Variants in PRKCB observed in about 807,000 individuals in gnomAD.
PRKCB encodes protein kinase C beta.
A neutral mutation model predicts 81.5 loss-of-function variants in PRKCB; 13 were observed. The observed-to-expected ratio is 0.16, with a 90% CI of 0.10 to 0.25. PRKCB has a LOEUF of 0.25. Ranked by LOEUF, PRKCB falls within the 10% of genes least tolerant of loss-of-function variation. The pLI is 1.00. For missense variants in PRKCB, 509 were observed against 875.7 expected (o/e 0.58, Z 5.29); for synonymous variants, 335 against 321.4 (o/e 1.04, Z -0.45).
chr16:24,060,507 T>G (rs1965958751), intron 5 of PRKCB, among the ~76,000 whole-genome samples: 1 of 152,160 alleles, frequency 6.6e-6, no homozygotes, highest in Admixed American at 6.5e-5. Context: ...CCTTGTGTAG[T>G]GGATACTGTG....
At chr16:23,887,814 A>G (rs896226949) in intron 2 of PRKCB, among the ~76,000 whole-genome samples, 1 of 148,850 alleles carries the variant, frequency 6.7e-6, no homozygotes, top group Non-Finnish European at 1.5e-5. Flanking sequence ...AATTTCACCA[A>G]CAGTGTAAGA....
At chr16:23,976,770 G>A (rs1964633091) in intron 2 of PRKCB, among the ~76,000 whole-genome samples, 1 of 152,170 alleles carries the variant, frequency 6.6e-6, no homozygotes, top group South Asian at 2.1e-4. Flanking sequence ...TCAAAAGCGG[G>A]AAGTCATGGG....
chr16:24,171,314 C>A (rs993241648), intron 10 of PRKCB, among the ~76,000 whole-genome samples: 15 of 152,162 alleles, frequency 9.9e-5, no homozygotes, highest in African/African-American at 3.6e-4. Flanking sequence ...CAGTTCTTTG[C>A]CAAATGTACC....
At chr16:24,181,704 G>A (rs942113066) in intron 13 of PRKCB, among the ~76,000 whole-genome samples, 2 of 143,010 alleles carry the variant, frequency 1.4e-5, no homozygotes, top group African/African-American at 5.2e-5. Flanking sequence ...GGAGGTCCAG[G>A]CTGCAGTGAG....
rs899481872 is a variant in PRKCB, at chr16:24,029,905, C to CT, written c.289-2224dup. Among the ~76,000 whole-genome samples the CT allele has an allele frequency of 3.9e-5, 6 of 151,914 alleles. No individual in the cohort carries two copies. In the South Asian group the frequency reaches 1.0e-3, roughly 26 times the overall value. On this transcript the variant is annotated intron_variant, in intron 3 of 16. Transcript: ENST00000643927. ...AACTTCTGCCATGTACTTTTTTTTC[C>CT]TTTTTTTAAGAGAGAGAGGGTCTTG...
At chr16:23,894,508 T>C (rs1963342280) in intron 2 of PRKCB, among the ~76,000 whole-genome samples, 1 of 152,050 alleles carries the variant, frequency 6.6e-6, no homozygotes, top group Non-Finnish European at 1.5e-5. Context: ...TGGTTTAATT[T>C]CCCCCCAGAA....
chr16:23,991,062 C>T (rs1042908438), intron 3 of PRKCB, among the ~76,000 whole-genome samples: 4 of 152,198 alleles, frequency 2.6e-5, no homozygotes, highest in South Asian at 2.1e-4. Context: ...CCCACTTAGA[C>T]TTGACAGCTG....
At chr16:23,848,034 G>C in intron 2 of PRKCB, among the ~76,000 whole-genome samples, 1 of 152,160 alleles carries the variant, frequency 6.6e-6, no homozygotes, top group Middle Eastern at 3.2e-3. Context: ...GGCAGGGGAG[G>C]GTGTTTCAGG....
rs912993889 is a variant in PRKCB, at chr16:24,067,941, CAAA to C, written c.530-24834_530-24832del. 8.1e-3 allele frequency among the ~76,000 whole-genome samples: 625 copies of C among 77,064 alleles called. 6 individuals are homozygous for C. Among genetic ancestry groups the C allele is most frequent in the African/African-American group, 0.021 (589 of 27,894 alleles). The allele number at this position is 77,064 out of a possible 152,430, so 50.6% of individuals were successfully genotyped here. ...TGGGTGACAGAGCGAGACTCCGTCT[CAAA>C]AAAAAAAAAAAAAAAGAGAGAGAGA... On this transcript the variant is annotated intron_variant, in intron 5 of 16. Transcript: ENST00000643927.
At chr16:24,209,410 T>A (rs142232141) in intron 16 of PRKCB, among the ~76,000 whole-genome samples, 243 of 152,178 alleles carry the variant, frequency 1.6e-3, no homozygotes, top group African/African-American at 5.7e-3. Context: ...ACCTCTGCAA[T>A]CCCCACACTG....
At chr16:24,177,234 G>T (rs1037984804) in intron 12 of PRKCB, among the ~76,000 whole-genome samples, 4 of 152,200 alleles carry the variant, frequency 2.6e-5, no homozygotes, top group African/African-American at 9.7e-5. Flanking sequence ...TCAGGAAGCC[G>T]CACTGGGATC....
chr16:24,116,701 C>G (rs1004376352), intron 8 of PRKCB, among the ~76,000 whole-genome samples: 1 of 152,240 alleles, frequency 6.6e-6, no homozygotes, highest in African/African-American at 2.4e-5. Flanking sequence ...AAAATTAAGA[C>G]AGGAAGGCAG....
intron 2 of PRKCB, among the ~76,000 whole-genome samples, chr16:23,905,380 T>A (rs1349931088): frequency 6.6e-6 from 1 of 152,234 alleles, no homozygotes; most frequent in African/African-American, 2.4e-5. Flanking sequence ...ATCTCTCTCC[T>A]GTGGTAGATG....
At chr16:23,888,763 G>A (rs971367560) in intron 2 of PRKCB, among the ~76,000 whole-genome samples, 2 of 152,132 alleles carry the variant, frequency 1.3e-5, no homozygotes, top group African/African-American at 4.8e-5. Context: ...CTGCCAGGAT[G>A]GGGCTACTGT....
At chr16:23,855,978 G>A (rs1962559652) in intron 2 of PRKCB, among the ~76,000 whole-genome samples, 1 of 152,156 alleles carries the variant, frequency 6.6e-6, no homozygotes, top group African/African-American at 2.4e-5. Flanking sequence ...GCATTTGGGG[G>A]AATGCCTTCT....
chr16:23,872,419 G>A (rs1222579059), intron 2 of PRKCB, among the ~76,000 whole-genome samples: 1 of 152,216 alleles, frequency 6.6e-6, no homozygotes, highest in Non-Finnish European at 1.5e-5. Context: ...TACTCGGGGG[G>A]CTGTGGTGGG....
chr16:24,174,604 C>T (rs1167829221), intron 12 of PRKCB, 24 bp downstream of exon 12: 1 of 1,592,230 alleles, frequency 6.3e-7, no homozygotes, highest in Non-Finnish European at 8.6e-7. Flanking sequence ...GCTGTACTTT[C>T]CATCTCTTCA....
chr16:23,867,655 T>C (rs1212394416), intron 2 of PRKCB, among the ~76,000 whole-genome samples: 1 of 152,214 alleles, frequency 6.6e-6, no homozygotes, highest in East Asian at 1.9e-4. Context: ...AATGACAGAC[T>C]CCCTTATTAT....
intron 2 of PRKCB, among the ~76,000 whole-genome samples, chr16:23,936,927 G>A (rs1461548894): frequency 6.6e-6 from 1 of 152,182 alleles, no homozygotes; most frequent in Non-Finnish European, 1.5e-5. Flanking sequence ...GGCATGTGTA[G>A]AGTATCTTTA....
Sources: gnomAD v4.1 joint callset for allele counts (sites outside exome capture counted in the v4.1 genomes callset) on GRCh38, gnomAD v4.1.1 for gene constraint, MANE v1.5 for transcripts, NCBI Gene and HGNC (gene_info 2026-07-23, HGNC 2026-07-21) for gene names.